The following CACNA1G variants were observed in gnomAD, a reference collection of about 807,000 sequenced individuals.
CACNA1G encodes voltage-dependent T-type calcium channel subunit alpha-1G.
Under a neutral mutation model 219.4 loss-of-function variants are expected in CACNA1G, and 67 were observed. The ratio of observed to expected loss-of-function variants is 0.31; its 90% CI spans 0.25 to 0.37. The LOEUF (loss-of-function observed/expected upper bound fraction) is 0.37. CACNA1G is among the 10% of genes least tolerant of loss of function. CACNA1G has a pLI of 1.00. For synonymous variants in CACNA1G, 1,296 were observed against 1,345.3 expected, an observed-to-expected ratio of 0.96 and a Z score of 0.80; for missense variants, 2,380 against 3,231.4, an observed-to-expected ratio of 0.74 and a Z score of 6.39.
chr17:50,571,280 G>A lies in CACNA1G; in HGVS notation c.587-598G>A, dbSNP rs776970884. Among the ~76,000 whole-genome samples, 1 of 152,212 alleles carries A rather than the reference G, an allele frequency of 6.6e-6. No homozygotes were observed. The highest frequency in any genetic ancestry group is 1.5e-5 in the Non-Finnish European group (1 of 68,048). ...AGGGCATCTTGGCCCCTGCCTAGGA[G>A]CTGGCTCTCAAAATGAGATTCCTGC... On this transcript the variant is annotated intron_variant, in intron 4 of 37. Coordinates refer to ENST00000359106, the MANE Select transcript of CACNA1G (RefSeq NM_018896.5). This position sits in a 1 kb window ranked among gnomAD's most constrained non-coding sequence, Gnocchi z 4.3.
intron 36 of CACNA1G, 36 bp from the exon 37 acceptor site, chr17:50,624,324 T>TCCCCCCCCCCCCCCCCCCCAGACCCCC: frequency 8.5e-7 from 1 of 1,177,664 alleles, no homozygotes; most frequent in Non-Finnish European, 1.2e-6. Context: ...CTCCATTCTC[T>TCCCCCCCCCCCCCCCCCCCAGACCCCC]CCCCCCACCC....
chr17:50,618,404 C>T lies in CACNA1G; in HGVS notation c.5427+61C>T. On this transcript the variant is annotated intron_variant, in intron 32 of 37. Transcript: ENST00000359106. The surrounding 1 kb of genome is among the most constrained non-coding windows in gnomAD (Gnocchi z 5.3). Reference sequence around the variant, plus strand: ...CAGCCCCACTTCCTGAGCTAGGATTCCTTGGGAAGATGAATTGGCCACAAA... The same window carrying T: ...CAGCCCCACTTCCTGAGCTAGGATTTCTTGGGAAGATGAATTGGCCACAAA... 6.3e-7 allele frequency: 1 copy of T among 1,591,066 alleles called. No homozygotes were observed. The highest frequency in any genetic ancestry group is 8.6e-7 in the Non-Finnish European group (1 of 1,163,960).
At position 50,578,334 on chromosome 17, in the gene CACNA1G, G is replaced by A. The variant is rs768371909; in HGVS notation, c.2071G>A (p.Glu691Lys). ...ADREMPDSDS[E>K]AVYEFTQDAQ... ...CCGTGAAATGCCTGACTCAGACAGC[G>A]AGGCAGTTTATGAGTTCACACAGGA... The change falls in exon 9 of 38, where the codon GAG becomes AAG. Residue 691 changes from glutamate to lysine, a missense_variant. Glu to Lys is a moderately conservative substitution (Grantham distance 56, BLOSUM62 1). Coordinates refer to ENST00000359106, the MANE Select transcript of CACNA1G (RefSeq NM_018896.5). This position sits in a 1 kb window ranked among gnomAD's most constrained non-coding sequence, Gnocchi z 4.5. 2.0e-5 allele frequency: 32 copies of A among 1,613,292 alleles called. No homozygotes were observed. The highest frequency in any genetic ancestry group is 2.5e-5 in the Non-Finnish European group (30 of 1,179,864).
chr17:50,570,456 T>C (rs1470905769), intron 4 of CACNA1G, among the ~76,000 whole-genome samples: 1 of 152,058 alleles, frequency 6.6e-6, no homozygotes, highest in Non-Finnish European at 1.5e-5. Context: ...CTGCAGATGG[T>C]CCCTGCTGTG....
intron 9 of CACNA1G, among the ~76,000 whole-genome samples, chr17:50,585,891 A>T (rs1455243893): frequency 2.0e-5 from 3 of 152,146 alleles, no homozygotes; most frequent in Non-Finnish European, 4.4e-5. Context: ...AGCAGAGGTG[A>T]GGTGAGCTGA....
At chr17:50,577,168 G>C (rs564892601) in intron 8 of CACNA1G, among the ~76,000 whole-genome samples, 1 of 152,238 alleles carries the variant, frequency 6.6e-6, no homozygotes, top group Admixed American at 6.5e-5. Context: ...CGGGACGTGG[G>C]CCAGTCACAT....
rs202117681 is a variant in CACNA1G at position 50,611,687 on chromosome 17, G to A, written c.4759+1752G>A. 1.4e-4 allele frequency among the ~76,000 whole-genome samples: 21 copies of A among 152,240 alleles called. No individual in the cohort carries two copies. The East Asian group carries it at 3.1e-3, about 22-fold the overall frequency. On this transcript the variant is annotated intron_variant, in intron 26 of 37. Transcript: ENST00000359106. The stretch of plus-strand genomic sequence containing the variant: ...AAGTGGCCTTCAGCTTTTCCCTTAC[G>A]GGCCCACCTGGTCTGTAGACTGAAG...
Position 50,603,612 on chromosome 17 carries a change from A to C in CACNA1G, c.4169+413A>C, listed in dbSNP as rs1302265954. 6.6e-6 allele frequency among the ~76,000 whole-genome samples: 1 copy of C among 150,972 alleles called. No individual in the cohort carries two copies. Among genetic ancestry groups the C allele is most frequent in the African/African-American group, 2.4e-5 (1 of 40,922 alleles). ...CCTCTTGCTGGCTTTCCCCATCTTC[A>C]GGCGCCTGCCAGTGACCACCCCCCG... On this transcript the variant is annotated intron_variant, in intron 21 of 37. Coordinates refer to ENST00000359106, the MANE Select transcript of CACNA1G (RefSeq NM_018896.5). This position sits in a 1 kb window ranked among gnomAD's most constrained non-coding sequence, Gnocchi z 6.4.
At chr17:50,622,194 C>G (rs1391449865) in intron 35 of CACNA1G, among the ~76,000 whole-genome samples, 1 of 149,496 alleles carries the variant, frequency 6.7e-6, no homozygotes, top group Non-Finnish European at 1.5e-5. Flanking sequence ...ACCCCACCCC[C>G]CAACAACATG....
At chr17:50,570,946 G>A (rs1567969724) in intron 4 of CACNA1G, among the ~76,000 whole-genome samples, 1 of 152,194 alleles carries the variant, frequency 6.6e-6, no homozygotes, top group African/African-American at 2.4e-5. Context: ...GGGCCAGGGG[G>A]CCATAGATGG....
Position 50,596,909 on chromosome 17 carries a change from G to C in CACNA1G, c.3244G>C (p.Glu1082Gln). ...SGSAEPGAAH[E>Q]MKSPPSARSS... ...GTCGGCAGAGCCTGGGGCGGCCCAC[G>C]AGATGAAGTCACCGGTAGGGGGTGC... Residue 1082 changes from glutamate to glutamine, a missense_variant, in exon 16 of 38, where the codon GAG (glutamate) becomes CAG (glutamine). Glu to Gln is a conservative substitution (Grantham distance 29, BLOSUM62 2). This residue lies in a region of CACNA1G where 418 missense variants were observed against 434.3 expected (regional missense o/e 0.96). Coordinates refer to ENST00000359106, the MANE Select transcript of CACNA1G (RefSeq NM_018896.5). This position sits in a 1 kb window ranked among gnomAD's most constrained non-coding sequence, Gnocchi z 4.8. 1.3e-6 allele frequency: 2 copies of C among 1,564,236 alleles called. No individual in the cohort carries two copies. Among genetic ancestry groups the C allele is most frequent in the Non-Finnish European group, 8.7e-7 (1 of 1,154,550 alleles).
intron 9 of CACNA1G, 116 bp from the exon 10 acceptor site, chr17:50,590,355 C>T: frequency 8.6e-7 from 1 of 1,165,600 alleles, no homozygotes; most frequent in Non-Finnish European, 1.3e-6. Flanking sequence ...TCCAGCAACC[C>T]CTCCGCACAA....
At chr17:50,565,145 G>T (rs201030306) in intron 1 of CACNA1G, among the ~76,000 whole-genome samples, 1 of 137,384 alleles carries the variant, frequency 7.3e-6, no homozygotes, top group East Asian at 2.0e-4. Context: ...ACACACACGC[G>T]CACACACACA....
At position 50,569,256 on chromosome 17, in the gene CACNA1G, G is replaced by C. The variant is rs1203449580; in HGVS notation, c.446G>C (p.Gly149Ala). Reference sequence around the variant, plus strand: ...ATCTTTGGGAAAAAGTGTTACCTGGGAGACACTTGGAACCGGCTTGACTTT... The same window carrying C: ...ATCTTTGGGAAAAAGTGTTACCTGGCAGACACTTGGAACCGGCTTGACTTT... ...LGIFGKKCYL[G>A]DTWNRLDFFI... Residue 149 changes from glycine to alanine, a missense_variant, in exon 3 of 38, where the codon GGA becomes GCA. By Grantham distance (60) the Gly-to-Ala change is moderately conservative. Transcript: ENST00000359106. 6.2e-7 allele frequency: 1 copy of C among 1,613,746 alleles called. No individual in the cohort carries two copies. The highest frequency in any genetic ancestry group is 8.5e-7 in the Non-Finnish European group (1 of 1,179,852).
Position 50,617,980 on chromosome 17 carries a change from G to A in CACNA1G, c.5226+51G>A, listed in dbSNP as rs2050939657. On this transcript the variant is annotated intron_variant, in intron 30 of 37. Transcript: ENST00000359106. This position sits in a 1 kb window ranked among gnomAD's most constrained non-coding sequence, Gnocchi z 5.8. ...GGGAGGGGGAGGTGCTTTCCAGAGG[G>A]AAGGGGCTCAGAGAAGCTGACTGGG... 6.2e-7 allele frequency: 1 copy of A among 1,612,318 alleles called. No homozygotes were observed. The highest frequency in any genetic ancestry group is 1.1e-5 in the South Asian group (1 of 91,042).
At position 50,618,472 on chromosome 17, in the gene CACNA1G, G is replaced by A; in HGVS notation, c.5427+129G>A. The A allele has an allele frequency of 1.5e-6, 2 of 1,312,838 alleles. No homozygotes were observed. Among genetic ancestry groups the A allele is most frequent in the Non-Finnish European group, 2.1e-6 (2 of 935,348 alleles). 81.3% of individuals were successfully genotyped at this position (1,312,838 alleles called of 1,614,324 possible). The stretch of plus-strand genomic sequence containing the variant: ...CTCTCCCCCGTGCTAGAACACTCTG[G>A]AACTCCCTCTCCCAGGAACATGCTC... On this transcript the variant is annotated intron_variant, in intron 32 of 37. Coordinates refer to ENST00000359106, the MANE Select transcript of CACNA1G (RefSeq NM_018896.5). This position sits in a 1 kb window ranked among gnomAD's most constrained non-coding sequence, Gnocchi z 5.3.
In CACNA1G at chr17:50,596,911, G is replaced by A. The variant is rs769342382; in HGVS notation, c.3246G>A (p.Glu1082=). The A allele has an allele frequency of 4.4e-5, 69 of 1,563,428 alleles. 1 individual carries two copies. The East Asian group carries it at 4.9e-4, about 11-fold the overall frequency. ...SGSAEPGAAH[E]MKSPPSARSS... ...CGGCAGAGCCTGGGGCGGCCCACGA[G>A]ATGAAGTCACCGGTAGGGGGTGCAT... Residue 1082 remains glutamate, a synonymous_variant, in exon 16 of 38, where the codon GAG becomes GAA. Transcript: ENST00000359106. This position sits in a 1 kb window ranked among gnomAD's most constrained non-coding sequence, Gnocchi z 4.8.
chr17:50,593,164 G>T (rs1296708566), intron 13 of CACNA1G, among the ~76,000 whole-genome samples: 3 of 152,146 alleles, frequency 2.0e-5, no homozygotes, highest in African/African-American at 7.2e-5. Flanking sequence ...AGGGAGGGAC[G>T]CCGGTATGCT....
chr17:50,615,872 A>G (rs560781306), intron 27 of CACNA1G, among the ~76,000 whole-genome samples: 1 of 152,348 alleles, frequency 6.6e-6, no homozygotes, highest in African/African-American at 2.4e-5. Context: ...GTCCAGCTCC[A>G]GAGCTCACCT....
Sources: allele counts gnomAD v4.1 joint callset (sites outside exome capture counted in the v4.1 genomes callset), GRCh38; gene constraint gnomAD v4.1.1; regional missense constraint gnomAD v4.1.1; non-coding constraint Gnocchi (gnomAD v3.1); transcripts MANE v1.5; gene names NCBI Gene and HGNC (gene_info 2026-07-23, HGNC 2026-07-21).